Variants in GIGYF2 observed in about 807,000 individuals in gnomAD.
GIGYF2 encodes GRB10 interacting GYF protein 2, also known as GRB10-interacting GYF protein 2.
Under a neutral mutation model 208.1 loss-of-function variants are expected in GIGYF2, and 25 were observed. The observed-to-expected ratio is 0.12, with a 90% CI of 0.09 to 0.17. The LOEUF (loss-of-function observed/expected upper bound fraction) is 0.17, where lower values mean the gene tolerates loss of function less well. Among genes scored for constraint, GIGYF2 ranks in the 10% least tolerant of loss-of-function variants. The pLI is 1.00. For synonymous variants in GIGYF2, 534 were observed against 543.8 expected (o/e 0.98, Z 0.25); for missense variants, 1,302 against 1,579.4 (o/e 0.82, Z 2.98).
chr2:232,792,222 C>T (rs1700090250), intron 12 of GIGYF2, among the ~76,000 whole-genome samples: 2 of 152,128 alleles, frequency 1.3e-5, no homozygotes, highest in Non-Finnish European at 2.9e-5. Context: ...CTTAGCACAT[C>T]CTTTTCTCTG....
chr2:232,792,264 A>G (rs1489252992), intron 12 of GIGYF2, among the ~76,000 whole-genome samples: 1 of 152,110 alleles, frequency 6.6e-6, no homozygotes, highest in African/African-American at 2.4e-5. Flanking sequence ...CAAAGCCCCC[A>G]AACTAGGGTA....
chr2:232,761,101 A>C (rs924484606), intron 7 of GIGYF2, among the ~76,000 whole-genome samples: 4 of 152,194 alleles, frequency 2.6e-5, no homozygotes, highest in Non-Finnish European at 5.9e-5. Flanking sequence ...AAAATATTTA[A>C]TGATGTGGGA....
intron 2 of GIGYF2, among the ~76,000 whole-genome samples, chr2:232,704,322 G>A (rs186825407): frequency 1.4e-4 from 21 of 152,270 alleles, no homozygotes; most frequent in Admixed American, 1.1e-3. Flanking sequence ...AAGAGTTAAC[G>A]TACATGCCTA....
intron 3 of GIGYF2, among the ~76,000 whole-genome samples, chr2:232,742,843 T>G (rs992894296): frequency 3.3e-5 from 5 of 152,094 alleles, no homozygotes; most frequent in African/African-American, 1.2e-4. Flanking sequence ...GGGCAGTGAA[T>G]GGGTTGGATG....
chr2:232,774,558 T>G (rs1699430289), intron 8 of GIGYF2, among the ~76,000 whole-genome samples: 1 of 152,200 alleles, frequency 6.6e-6, no homozygotes, highest in Admixed American at 6.5e-5. Context: ...TAAATAAAAT[T>G]ATGATGACAT....
intron 2 of GIGYF2, among the ~76,000 whole-genome samples, chr2:232,715,694 G>C (rs1696645436): frequency 6.6e-6 from 1 of 152,054 alleles, no homozygotes; most frequent in African/African-American, 2.4e-5. Flanking sequence ...TGTGTTAACA[G>C]ATCATATTTT....
chr2:232,811,499 TA>T, intron 17 of GIGYF2, 148 bp downstream of exon 17: 1 of 652,180 alleles, frequency 1.5e-6, no homozygotes, highest in Non-Finnish European at 2.8e-6. Context: ...AAGTATATTT[TA>T]AAAAAATATT....
rs566024651 is a variant in GIGYF2, at chr2:232,719,550, G to C, written c.-43-15605G>C. Among the ~76,000 whole-genome samples, 5 of 152,158 alleles carry C rather than the reference G, an allele frequency of 3.3e-5. No homozygotes were observed. In the South Asian group the frequency reaches 1.0e-3, roughly 32 times the overall value. ...TGATTTCTTTTCTTTCTTCTCCTGT[G>C]AAAATGTACTCAGAGGCCCACAAAG... On this transcript the variant is annotated intron_variant, in intron 2 of 28. Transcript: ENST00000373563.
intron 6 of GIGYF2, among the ~76,000 whole-genome samples, chr2:232,759,109 T>G (rs1319434779): frequency 6.6e-6 from 1 of 152,156 alleles, no homozygotes; most frequent in Non-Finnish European, 1.5e-5. Flanking sequence ...TGGTGCATTA[T>G]TTTGATACTT....
chr2:232,707,705 T>G (rs1180031696), intron 2 of GIGYF2, among the ~76,000 whole-genome samples: 1 of 151,452 alleles, frequency 6.6e-6, no homozygotes, highest in Non-Finnish European at 1.5e-5. Flanking sequence ...TGGTGCCATC[T>G]TGGCTCACTG....
chr2:232,763,289 G>A (rs1222584128), intron 8 of GIGYF2, among the ~76,000 whole-genome samples: 2 of 152,088 alleles, frequency 1.3e-5, no homozygotes, highest in Non-Finnish European at 2.9e-5. Flanking sequence ...ATAATAAAAT[G>A]AGTGATAATG....
intron 9 of GIGYF2, chr2:232,788,255 G>C: frequency 6.4e-6 from 1 of 156,970 alleles, no homozygotes; most frequent in Admixed American, 6.4e-5. Context: ...CAGGCATTCA[G>C]AGTATTTTAA....
At chr2:232,735,404 A>AT in intron 3 of GIGYF2, 166 bp downstream of exon 3, 1 of 634,802 alleles carries the variant, frequency 1.6e-6, no homozygotes, top group Middle Eastern at 2.8e-4. Flanking sequence ...TATTTGGTAA[A>AT]TGAGTGTATT....
At chr2:232,732,662 A>T (rs957037865) in intron 2 of GIGYF2, among the ~76,000 whole-genome samples, 108 of 150,110 alleles carry the variant, frequency 7.2e-4, no homozygotes, top group Admixed American at 3.2e-3. Flanking sequence ...TTTAATTGAG[A>T]CAAGGTCTTG....
rs1231086965 is a variant in GIGYF2 at position 232,703,405 on chromosome 2, A to C, written c.-109-19A>C. ...AGAGGTTGCTGGGTGATTTATATTA[A>C]TATTTTTATTATTTACAGCGTTAAA... On this transcript the variant is annotated intron_variant, in intron 1 of 28. Transcript: ENST00000373563. The C allele has an allele frequency of 6.6e-6, 1 of 152,616 alleles. No homozygotes were observed. The highest frequency in any genetic ancestry group is 2.4e-5 in the African/African-American group (1 of 41,440). The allele number at this position is 152,616 out of a possible 1,614,324, so 9.5% of individuals were successfully genotyped here.
At chr2:232,761,847 C>CTT (rs775990180) in intron 8 of GIGYF2, among the ~76,000 whole-genome samples, 4 of 138,586 alleles carry the variant, frequency 2.9e-5, no homozygotes, top group Non-Finnish European at 6.3e-5. Flanking sequence ...CTGTATAGTC[C>CTT]TTTTTTTTTT....
At chr2:232,800,680 G>A (rs981827832) in intron 14 of GIGYF2, among the ~76,000 whole-genome samples, 8 of 151,598 alleles carry the variant, frequency 5.3e-5, no homozygotes, top group African/African-American at 1.5e-4. Flanking sequence ...AAACTCCTGG[G>A]CTCCAGTGAT....
chr2:232,827,059 A>G (rs1381926831), intron 21 of GIGYF2, among the ~76,000 whole-genome samples: 1 of 152,166 alleles, frequency 6.6e-6, no homozygotes, highest in Non-Finnish European at 1.5e-5. Flanking sequence ...TTAGCTAGAG[A>G]GGAGAACTCA....
intron 2 of GIGYF2, among the ~76,000 whole-genome samples, chr2:232,712,108 A>G (rs1241323492): frequency 1.3e-5 from 2 of 152,160 alleles, no homozygotes; most frequent in Non-Finnish European, 2.9e-5. Context: ...TTTGCTTGAA[A>G]GGTCAAATTT....
Sources: allele counts gnomAD v4.1 joint callset (sites outside exome capture counted in the v4.1 genomes callset), GRCh38; gene constraint gnomAD v4.1.1; transcripts MANE v1.5; gene names NCBI Gene and HGNC (gene_info 2026-07-23, HGNC 2026-07-21).